ERAP1: variants seen among roughly 807,000 people sequenced by gnomAD.
ERAP1 encodes the protein endoplasmic reticulum aminopeptidase 1, also known as adipocyte-derived leucine aminopeptidase.
A neutral mutation model predicts 103.7 loss-of-function variants in ERAP1; 86 were observed. The ratio of observed to expected loss-of-function variants is 0.83; its 90% CI spans 0.70 to 0.99. ERAP1 has a LOEUF of 0.99. ERAP1 is among the 50% of genes least tolerant of loss of function. The pLI is 0.00. For missense variants in ERAP1, 1,009 were observed against 1,128.4 expected (o/e 0.89, Z 1.52); for synonymous variants, 398 against 402.4 (o/e 0.99, Z 0.13).
the ERAP1 span, among the ~76,000 whole-genome samples, chr5:96,856,773 C>G: frequency 6.6e-6 from 1 of 152,298 alleles, no homozygotes; most frequent in South Asian, 2.1e-4. Flanking sequence ...TTTCACTGGT[C>G]TCTCCCACTT....
At chr5:96,831,094 G>C in the ERAP1 span, among the ~76,000 whole-genome samples, 6 of 152,280 alleles carry the variant, frequency 3.9e-5, no homozygotes, top group South Asian at 1.2e-3. Context: ...GGTTCTTCAG[G>C]CTGTACAGGA....
At chr5:96,842,850 G>C in the ERAP1 span, among the ~76,000 whole-genome samples, 1 of 151,996 alleles carries the variant, frequency 6.6e-6, no homozygotes, top group South Asian at 2.1e-4. Flanking sequence ...TTAATTCTTT[G>C]CCTAAGCCAA....
exon 20 of ERAP1, chr5:96,762,371 C>G (rs201324973): frequency 6.3e-7 from 1 of 1,584,528 alleles, no homozygotes; most frequent in Non-Finnish European, 8.6e-7. Flanking sequence ...CGTGATACCT[C>G]GGTAAGCAGC....
At chr5:96,867,684 G>A in the ERAP1 span, among the ~76,000 whole-genome samples, 2 of 152,180 alleles carry the variant, frequency 1.3e-5, no homozygotes. Flanking sequence ...CAGAACCAAG[G>A]AGAAGTAGTA....
the ERAP1 span, among the ~76,000 whole-genome samples, chr5:96,877,461 T>G: frequency 6.6e-6 from 1 of 152,220 alleles, no homozygotes; most frequent in African/African-American, 2.4e-5. Flanking sequence ...ATGCAAGTTA[T>G]AACCTCAATA....
chr5:96,925,075 C>T, the ERAP1 span, among the ~76,000 whole-genome samples: 1 of 152,172 alleles, frequency 6.6e-6, no homozygotes, highest in Non-Finnish European at 1.5e-5. Flanking sequence ...TTTGCCAGCA[C>T]ATCATTATTT....
chr5:96,808,522 C>A (rs28366066), upstream of ERAP1, among the ~76,000 whole-genome samples: 10 of 152,058 alleles, frequency 6.6e-5, no homozygotes, highest in East Asian at 1.6e-3. Context: ...AAGTGCCGCA[C>A]CTTCTGGGGC....
the ERAP1 span, chr5:96,879,768 T>C: frequency 7.4e-6 from 12 of 1,614,092 alleles, no homozygotes; most frequent in Admixed American, 1.8e-4. Flanking sequence ...TTAACAGCCA[T>C]CTTGCCCCAA....
chr5:96,762,482 A>T, exon 20 of ERAP1: 1 of 657,030 alleles, frequency 1.5e-6, no homozygotes, highest in Non-Finnish European at 2.5e-6. Context: ...TATTAGGAAG[A>T]TCAGGCACCT....
chr5:96,912,413 T>C, the ERAP1 span, among the ~76,000 whole-genome samples: 2 of 152,148 alleles, frequency 1.3e-5, no homozygotes, highest in Admixed American at 6.5e-5. Flanking sequence ...TTTATGCTTA[T>C]TTTCTTGCTA....
At chr5:96,801,295 C>CA (rs1483995379) in intron 2 of ERAP1, among the ~76,000 whole-genome samples, 3 of 149,892 alleles carry the variant, frequency 2.0e-5, no homozygotes, top group African/African-American at 7.4e-5. Flanking sequence ...CCATCTCTAC[C>CA]AAAAATACAA....
chr5:96,847,555 A>G, the ERAP1 span, among the ~76,000 whole-genome samples: 1 of 152,224 alleles, frequency 6.6e-6, no homozygotes, highest in Non-Finnish European at 1.5e-5. Context: ...AACATTTCCC[A>G]AGATAGGTCA....
At chr5:96,770,668 C>A, downstream of ERAP1, 2 of 1,088,394 alleles carry the variant, frequency 1.8e-6, no homozygotes, top group South Asian at 2.5e-5. Flanking sequence ...TTTATCATTT[C>A]AGTCATTTAG....
At chr5:96,867,831 T>C in the ERAP1 span, among the ~76,000 whole-genome samples, 8 of 152,202 alleles carry the variant, frequency 5.3e-5, no homozygotes, top group African/African-American at 1.9e-4. Flanking sequence ...CCCATCACTT[T>C]GGGAGGCTGA....
At chr5:96,901,527 G>A in the ERAP1 span, 1 of 1,613,736 alleles carries the variant, frequency 6.2e-7, no homozygotes. Flanking sequence ...GGGGGAAAAT[G>A]CAGAGGTCAA....
intron 3 of ERAP1, among the ~76,000 whole-genome samples, chr5:96,799,448 C>CA (rs151278117): frequency 4.3e-4 from 62 of 145,060 alleles, no homozygotes; most frequent in African/African-American, 6.0e-4. Context: ...TTCCTATCCT[C>CA]AAAAAAAAAA....
the ERAP1 span, chr5:96,903,622 C>A: frequency 7.1e-7 from 1 of 1,415,958 alleles, no homozygotes; most frequent in Non-Finnish European, 9.6e-7. Flanking sequence ...ATATGCTAGA[C>A]TTCAATATTG....
intron 15 of ERAP1, among the ~76,000 whole-genome samples, chr5:96,782,080 G>A (rs1300163598): frequency 2.7e-5 from 4 of 149,764 alleles, no homozygotes; most frequent in South Asian, 2.1e-4. Flanking sequence ...GCTCGATATC[G>A]GTTCCTGCAA....
At chr5:96,902,353 G>A in the ERAP1 span, 2 of 1,600,268 alleles carry the variant, frequency 1.2e-6, no homozygotes, top group Non-Finnish European at 1.7e-6. Context: ...ATCAAAGACA[G>A]GTAATGAACT....
Sources: allele counts gnomAD v4.1 joint callset (sites outside exome capture counted in the v4.1 genomes callset), GRCh38; gene constraint gnomAD v4.1.1; transcripts MANE v1.5; gene names NCBI Gene and HGNC (gene_info 2026-07-23, HGNC 2026-07-21).